FRMD6: variants seen among roughly 807,000 people sequenced by gnomAD.
FRMD6 encodes FERM domain-containing protein 6.
A neutral mutation model predicts 73.2 loss-of-function variants in FRMD6; 37 were observed. That is an observed-to-expected ratio of 0.51 (90% CI 0.39 to 0.66). The LOEUF (loss-of-function observed/expected upper bound fraction) is 0.66. Among genes scored for constraint, FRMD6 ranks in the 30% least tolerant of loss-of-function variants. The probability of loss-of-function intolerance (pLI) is 0.00; values close to 1 mark genes in which losing one functional copy is unlikely to be tolerated. For synonymous variants in FRMD6, 273 were observed against 282.2 expected, an observed-to-expected ratio of 0.97 and a Z score of 0.33; for missense variants, 714 against 780.5, an observed-to-expected ratio of 0.91 and a Z score of 1.02.
chr14:51,624,028 C>T (rs183425158), intron 2 of FRMD6, among the ~76,000 whole-genome samples: 168 of 152,258 alleles, frequency 1.1e-3, no homozygotes, highest in Non-Finnish European at 2.1e-3. Context: ...AGGTCGTCAT[C>T]CTTAGCAAAC....
At chr14:51,692,252 A>C (rs1895642229) in intron 2 of FRMD6, among the ~76,000 whole-genome samples, 1 of 152,154 alleles carries the variant, frequency 6.6e-6, no homozygotes, top group African/African-American at 2.4e-5. Flanking sequence ...TGGTTTTTTA[A>C]ACTGAATAAA....
At chr14:51,690,020 A>T in intron 2 of FRMD6, 85 bp downstream of exon 2, 1 of 880,820 alleles carries the variant, frequency 1.1e-6, no homozygotes, top group Non-Finnish European at 1.9e-6. Flanking sequence ...TAAGGGTGAA[A>T]TCTTTACAGA....
At chr14:51,451,028 G>T in the FRMD6 span, among the ~76,000 whole-genome samples, 1 of 152,182 alleles carries the variant, frequency 6.6e-6, no homozygotes, top group African/African-American at 2.4e-5. Context: ...GTAATGACGT[G>T]GAGGAGTTGA....
chr14:51,528,051 A>G (rs1251476421), intron 1 of FRMD6, among the ~76,000 whole-genome samples: 1 of 152,188 alleles, frequency 6.6e-6, no homozygotes, highest in African/African-American at 2.4e-5. Context: ...CTGAGTCCAG[A>G]GGATCATTTG....
chr14:51,521,184 T>C (rs545917649), intron 1 of FRMD6, among the ~76,000 whole-genome samples: 23 of 152,282 alleles, frequency 1.5e-4, no homozygotes, highest in Admixed American at 1.2e-3. Flanking sequence ...GTGGAGATGG[T>C]CACACAGACG....
Position 51,728,244 on chromosome 14 carries a change from A to G in FRMD6, c.*215A>G. The G allele has an allele frequency of 1.9e-6, 1 of 522,356 alleles. No individual in the cohort carries two copies. The highest frequency in any genetic ancestry group is 3.4e-6 in the Non-Finnish European group (1 of 296,452). The allele number at this position is 522,356 out of a possible 1,614,324, so 32.4% of individuals were successfully genotyped here. On this transcript the variant is annotated 3_prime_UTR_variant, in exon 14 of 14. Coordinates refer to ENST00000344768, the MANE Select transcript of FRMD6 (RefSeq NM_001267046.2). ...AACTACAGAAAATGTACAGCAAGAC[A>G]AGTGCCCGGAAGTTCACTGATCCTT... is the stretch of plus-strand genomic sequence containing the variant.
At chr14:51,487,512 C>T (rs76503577), upstream of FRMD6, among the ~76,000 whole-genome samples, 432 of 152,304 alleles carry the variant, frequency 2.8e-3, 3 homozygotes, top group African/African-American at 1.0e-2. Context: ...CATTTCCAAC[C>T]AGCTCCAGGT....
At chr14:51,590,838 C>T (rs376276562) in intron 2 of FRMD6, among the ~76,000 whole-genome samples, 21 of 152,328 alleles carry the variant, frequency 1.4e-4, no homozygotes, top group African/African-American at 4.6e-4. Context: ...TCAAGCTGCC[C>T]AGAGCAATCT....
the FRMD6 span, among the ~76,000 whole-genome samples, chr14:51,416,602 T>A: frequency 2.3e-4 from 35 of 152,300 alleles, 1 homozygote; most frequent in Admixed American, 2.3e-3. Context: ...ATAAGTGCGA[T>A]GTGGTGCTGA....
intron 1 of FRMD6, among the ~76,000 whole-genome samples, chr14:51,688,186 A>G (rs2140347412): frequency 6.6e-6 from 1 of 152,088 alleles, no homozygotes; most frequent in African/African-American, 2.4e-5. Flanking sequence ...TGGGTTAACC[A>G]TCCATCCTAG....
chr14:51,434,220 T>C, the FRMD6 span, among the ~76,000 whole-genome samples: 1 of 152,184 alleles, frequency 6.6e-6, no homozygotes, highest in East Asian at 1.9e-4. Context: ...TATATATACA[T>C]ATGTAATATA....
At chr14:51,508,037 G>A (rs547850994) in intron 1 of FRMD6, among the ~76,000 whole-genome samples, 135 of 152,218 alleles carry the variant, frequency 8.9e-4, no homozygotes, top group African/African-American at 2.9e-3. Context: ...GCTACTGAGC[G>A]TGCCCACTCA....
At chr14:51,446,641 C>G in the FRMD6 span, among the ~76,000 whole-genome samples, 1 of 152,186 alleles carries the variant, frequency 6.6e-6, no homozygotes, top group Non-Finnish European at 1.5e-5. Flanking sequence ...CACTAGTACT[C>G]CAGACCTTGT....
the FRMD6 span, among the ~76,000 whole-genome samples, chr14:51,399,967 TAA>T: frequency 1.3e-4 from 20 of 151,892 alleles, no homozygotes; most frequent in Middle Eastern, 6.8e-3. Context: ...ATTCCTTTTT[TAA>T]AAAAAGTTTT....
intron 2 of FRMD6, chr14:51,600,054 C>T (rs1889953392): frequency 6.6e-6 from 1 of 151,716 alleles, no homozygotes; most frequent in Admixed American, 6.6e-5. Context: ...GATCTGAGAA[C>T]TCCTGCACTT....
the FRMD6 span, among the ~76,000 whole-genome samples, chr14:51,431,441 C>T: frequency 6.6e-6 from 1 of 152,178 alleles, no homozygotes; most frequent in Non-Finnish European, 1.5e-5. Flanking sequence ...CTACCCGGTA[C>T]AGAAAGGGAA....
intron 1 of FRMD6, among the ~76,000 whole-genome samples, chr14:51,535,167 T>C (rs546514784): frequency 2.7e-4 from 41 of 152,310 alleles, no homozygotes; most frequent in Middle Eastern, 3.4e-3. Context: ...TCCTCAAACC[T>C]TTCTAGCCCC....
chr14:51,422,040 C>T, the FRMD6 span, among the ~76,000 whole-genome samples: 7 of 152,198 alleles, frequency 4.6e-5, no homozygotes, highest in Non-Finnish European at 1.0e-4. Context: ...ACTAAGGTTC[C>T]CTGAGGCTCA....
rs185913365 is a variant in FRMD6, at chr14:51,671,358, A to G, written c.-146-18333A>G. On this transcript the variant is annotated intron_variant, in intron 1 of 13. Coordinates refer to ENST00000344768, the MANE Select transcript of FRMD6 (RefSeq NM_001267046.2). ...ATTGATAGAGTTTACCAGTGATGCCATCTGAGCCTAGAATTTTCTTTGTCA... is the reference window on the plus strand; with the variant it reads ...ATTGATAGAGTTTACCAGTGATGCCGTCTGAGCCTAGAATTTTCTTTGTCA... Among the ~76,000 whole-genome samples, 16 of 152,334 alleles carry G rather than the reference A, an allele frequency of 1.1e-4. No homozygotes were observed. The East Asian group carries it at 2.9e-3, about 28-fold the overall frequency.
Sources: gnomAD v4.1 joint callset for allele counts (sites outside exome capture counted in the v4.1 genomes callset) on GRCh38, gnomAD v4.1.1 for gene constraint, MANE v1.5 for transcripts, NCBI Gene and HGNC (gene_info 2026-07-23, HGNC 2026-07-21) for gene names.